The following G3BP2 variants were observed in gnomAD, a reference collection of about 807,000 sequenced individuals.
The protein encoded by G3BP2 is G3BP stress granule assembly factor 2, also known as ras GTPase-activating protein-binding protein 2.
In G3BP2, 11 loss-of-function variants were observed where a neutral mutation model predicts 56.7. That is an observed-to-expected ratio of 0.19 (90% CI 0.12 to 0.32). G3BP2 has a LOEUF of 0.32. Among genes scored for constraint, G3BP2 ranks in the 10% least tolerant of loss-of-function variants. G3BP2 has a pLI of 1.00. For synonymous variants in G3BP2, 165 were observed against 191.6 expected (o/e 0.86, Z 1.15); for missense variants, 340 against 610.9 (o/e 0.56, Z 4.67).
chr4:75,718,650 C>T (rs1176771984), intron 3 of G3BP2, among the ~76,000 whole-genome samples: 2 of 152,156 alleles, frequency 1.3e-5, no homozygotes, highest in African/African-American at 4.8e-5. Context: ...GACTTCTACT[C>T]CTTGCTTTAG....
At chr4:75,674,710 ATATATATATTTTT>A (rs1416212055), upstream of G3BP2, among the ~76,000 whole-genome samples, 1 of 47,870 alleles carries the variant, frequency 2.1e-5, no homozygotes, top group African/African-American at 6.7e-5. Flanking sequence ...ATATATATAT[ATATATATATTTTT>A]TTTTTTTTTT....
intron 7 of G3BP2, among the ~76,000 whole-genome samples, chr4:75,654,303 A>G (rs1731919410): frequency 6.6e-6 from 1 of 152,238 alleles, no homozygotes; most frequent in Non-Finnish European, 1.5e-5. Flanking sequence ...ACTAAGTAAA[A>G]CCATAAGCAA....
At position 75,645,253 on chromosome 4, in the gene G3BP2, G is replaced by A. The variant is rs1578372237; in HGVS notation, c.*177C>T. 1.7e-6 allele frequency: 1 copy of A among 604,422 alleles called. No individual in the cohort carries two copies. Among genetic ancestry groups the A allele is most frequent in the Admixed American group, 3.1e-5 (1 of 31,960 alleles). The allele number at this position is 604,422 out of a possible 1,614,324, so 37.4% of individuals were successfully genotyped here. ...TTTATAAATTAACAATGTGAATCCT[G>A]TTGTGAAATTGGGGAAATAATGTCC... is the stretch of plus-strand genomic sequence containing the variant. On this transcript the variant is annotated 3_prime_UTR_variant, in exon 12 of 12. Coordinates refer to ENST00000359707, the MANE Select transcript of G3BP2 (RefSeq NM_203505.3).
At chr4:75,664,074 G>A (rs1732792479) in intron 1 of G3BP2, among the ~76,000 whole-genome samples, 1 of 151,020 alleles carries the variant, frequency 6.6e-6, no homozygotes. Flanking sequence ...AGTAGAGACG[G>A]GGTTTCACCA....
Position 75,697,273 on chromosome 4 carries a change from C to CAAAAAAAAAAAAAAAAAAAAAAAA in G3BP2, c.-25+23580_-25+23603dup, listed in dbSNP as rs869037819. Reference sequence around the variant, plus strand: ...TGGCTGACAGAGCGAGACTCTGTCTCAAAAAAAAAAAAAAAAAAAAAAAAA... The same window carrying CAAAAAAAAAAAAAAAAAAAAAAAA: ...TGGCTGACAGAGCGAGACTCTGTCTCAAAAAAAAAAAAAAAAAAAAAAAAAAAAAAAAAAAAAAAAAAAAAAAAA... On this transcript the variant is annotated intron_variant, in intron 3 of 3. Coordinates refer to the G3BP2 transcript ENST00000499709. 5.5e-4 allele frequency among the ~76,000 whole-genome samples: 16 copies of CAAAAAAAAAAAAAAAAAAAAAAAA among 28,830 alleles called. 3 individuals are homozygous for CAAAAAAAAAAAAAAAAAAAAAAAA. Among genetic ancestry groups the CAAAAAAAAAAAAAAAAAAAAAAAA allele is most frequent in the African/African-American group, 6.9e-4 (5 of 7,278 alleles). The allele number at this position is 28,830 out of a possible 152,430, so 18.9% of individuals were successfully genotyped here.
At chr4:75,709,419 CAAAA>C (rs34603185) in intron 3 of G3BP2, among the ~76,000 whole-genome samples, 1 of 47,402 alleles carries the variant, frequency 2.1e-5, no homozygotes, top group Non-Finnish European at 3.5e-5. Flanking sequence ...GACTCCGTCT[CAAAA>C]AAAAAAAAAA....
At chr4:75,648,794 C>A in intron 8 of G3BP2, 53 bp from the exon 9 acceptor site, 1 of 1,067,080 alleles carries the variant, frequency 9.4e-7, no homozygotes, top group South Asian at 1.3e-5. Context: ...TGGAGAAAAA[C>A]CAACCAAAGC....
intron 3 of G3BP2, among the ~76,000 whole-genome samples, chr4:75,703,584 T>C (rs1719428807): frequency 6.6e-6 from 1 of 152,230 alleles, no homozygotes. Context: ...ACAGGGTTTT[T>C]AGCCTCTTGA....
At chr4:75,646,926 AAGAG>A in intron 10 of G3BP2, 99 bp downstream of exon 10, 1 of 695,080 alleles carries the variant, frequency 1.4e-6, no homozygotes, top group East Asian at 2.8e-5. Context: ...ACACAGTATA[AAGAG>A]AGAAACATTT....
At chr4:75,648,048 A>C (rs779524569) in intron 9 of G3BP2, among the ~76,000 whole-genome samples, 1 of 152,116 alleles carries the variant, frequency 6.6e-6, no homozygotes, top group African/African-American at 2.4e-5. Flanking sequence ...TTGGTTTTGA[A>C]CTCTTAAAAC....
Position 75,645,594 on chromosome 4 carries a change from G to A in G3BP2, c.1285C>T (p.Arg429Cys), listed in dbSNP as rs1488930461. ...GGACCACCGGGACCTCGATCATTGC[G>A]CCTAATATCCCTGCGATCATCACCA... is the stretch of plus-strand genomic sequence containing the variant. ...GGGDDRRDIR[R>C]NDRGPGGPRG... Residue 429 changes from arginine to cysteine, a missense_variant, in exon 12 of 12, where the codon CGC becomes TGC. Arg to Cys is a radical substitution (Grantham distance 180, BLOSUM62 -3). Transcript: ENST00000359707. The A allele has an allele frequency of 1.9e-6, 3 of 1,613,352 alleles. No individual in the cohort carries two copies. Among genetic ancestry groups the A allele is most frequent in the Non-Finnish European group, 2.5e-6 (3 of 1,179,912 alleles).
At chr4:75,715,084 T>C (rs1005939391) in intron 3 of G3BP2, among the ~76,000 whole-genome samples, 1 of 152,218 alleles carries the variant, frequency 6.6e-6, no homozygotes, top group African/African-American at 2.4e-5. Flanking sequence ...GAAAACATGC[T>C]TTTCTGGTCT....
At chr4:75,716,105 G>A (rs1337693172) in intron 3 of G3BP2, among the ~76,000 whole-genome samples, 1 of 152,120 alleles carries the variant, frequency 6.6e-6, no homozygotes, top group Non-Finnish European at 1.5e-5. Context: ...GTCCTGAAAA[G>A]GTCATGTGTG....
chr4:75,711,248 G>C (rs1161974496), intron 3 of G3BP2, among the ~76,000 whole-genome samples: 2 of 151,544 alleles, frequency 1.3e-5, no homozygotes, highest in Non-Finnish European at 2.9e-5. Context: ...GAACCCAGGA[G>C]ACAGTGGTTG....
At chr4:75,666,864 G>A (rs890294858) in intron 1 of G3BP2, among the ~76,000 whole-genome samples, 1 of 152,140 alleles carries the variant, frequency 6.6e-6, no homozygotes, top group African/African-American at 2.4e-5. Context: ...CTGAATATGG[G>A]AGTAAAAGGT....
chr4:75,648,862 A>G, intron 8 of G3BP2, 121 bp from the exon 9 acceptor site: 1 of 604,604 alleles, frequency 1.7e-6, no homozygotes, highest in Non-Finnish European at 3.0e-6. Flanking sequence ...AATGTTTTTA[A>G]CATAGTGTCC....
At chr4:75,692,424 G>T (rs1019539409) in intron 3 of G3BP2, among the ~76,000 whole-genome samples, 2 of 151,996 alleles carry the variant, frequency 1.3e-5, no homozygotes, top group African/African-American at 4.8e-5. Flanking sequence ...CAATTCTCCT[G>T]CCTAAGCCTC....
intron 1 of G3BP2, among the ~76,000 whole-genome samples, chr4:75,665,512 G>A (rs1424545540): frequency 6.6e-6 from 1 of 152,024 alleles, no homozygotes. Flanking sequence ...TTGGGACGTC[G>A]AAGTGGGCAG....
chr4:75,670,256 G>C (rs1025073225), intron 1 of G3BP2: 2 of 152,108 alleles, frequency 1.3e-5, no homozygotes, highest in Non-Finnish European at 2.9e-5. Context: ...TTGAACCATG[G>C]ACTATATCCA....
Sources: allele counts gnomAD v4.1 joint callset (sites outside exome capture counted in the v4.1 genomes callset), GRCh38; gene constraint gnomAD v4.1.1; transcripts MANE v1.5; gene names NCBI Gene and HGNC (gene_info 2026-07-23, HGNC 2026-07-21).